CPNE8: variants seen among roughly 807,000 people sequenced by gnomAD.
CPNE8 encodes the protein copine-8.
CPNE8 carries 45 observed loss-of-function variants against 81.5 expected under a neutral mutation model. That is an observed-to-expected ratio of 0.55 (90% confidence interval 0.44 to 0.71). CPNE8 has a LOEUF of 0.71. Among genes scored for constraint, CPNE8 ranks in the 30% least tolerant of loss-of-function variants. The pLI is 0.00. For missense variants in CPNE8, 594 were observed against 672.1 expected (o/e 0.88, Z 1.28); for synonymous variants, 252 against 226.3 (o/e 1.11, Z -1.02).
chr12:38,838,103 C>G (rs949681553), intron 5 of CPNE8, among the ~76,000 whole-genome samples: 3 of 152,132 alleles, frequency 2.0e-5, no homozygotes, highest in African/African-American at 7.2e-5. Flanking sequence ...ATGTTCCCAA[C>G]TTCACTTAAA....
intron 19 of CPNE8, among the ~76,000 whole-genome samples, chr12:38,659,686 C>A (rs1466506800): frequency 6.6e-6 from 1 of 152,110 alleles, no homozygotes; most frequent in Non-Finnish European, 1.5e-5. Flanking sequence ...ACAAAAATCA[C>A]AACAAACTCT....
intron 6 of CPNE8, among the ~76,000 whole-genome samples, chr12:38,781,167 T>C (rs1263866933): frequency 1.3e-5 from 2 of 151,990 alleles, no homozygotes; most frequent in Non-Finnish European, 2.9e-5. Flanking sequence ...TACTTTATAG[T>C]TTCAAGTTTA....
At chr12:38,691,131 T>C (rs989770217) in intron 15 of CPNE8, among the ~76,000 whole-genome samples, 1 of 152,216 alleles carries the variant, frequency 6.6e-6, no homozygotes, top group Non-Finnish European at 1.5e-5. Context: ...ATGGTGTTAA[T>C]ATAAGCATGC....
At chr12:38,879,287 G>C (rs950518232) in intron 1 of CPNE8, among the ~76,000 whole-genome samples, 1 of 151,872 alleles carries the variant, frequency 6.6e-6, no homozygotes, top group Non-Finnish European at 1.5e-5. Context: ...GCCCAGTAGG[G>C]ACCCTGGCTT....
chr12:38,856,567 A>C (rs1027232394), intron 3 of CPNE8, among the ~76,000 whole-genome samples: 2 of 152,196 alleles, frequency 1.3e-5, no homozygotes, highest in African/African-American at 4.8e-5. Flanking sequence ...GGTTGCCTAG[A>C]GGGCAGAATC....
chr12:38,696,964 T>C (rs1380705180), intron 14 of CPNE8, among the ~76,000 whole-genome samples: 4 of 152,150 alleles, frequency 2.6e-5, no homozygotes, highest in Non-Finnish European at 5.9e-5. Context: ...GGAGAATCAC[T>C]TGAGCCCTGG....
intron 6 of CPNE8, among the ~76,000 whole-genome samples, chr12:38,785,537 T>G (rs1942164715): frequency 6.6e-6 from 1 of 152,122 alleles, no homozygotes; most frequent in African/African-American, 2.4e-5. Context: ...TCTGATGATT[T>G]TATAAAGGGG....
intron 15 of CPNE8, among the ~76,000 whole-genome samples, chr12:38,692,637 G>A (rs946694566): frequency 1.1e-4 from 16 of 152,138 alleles, no homozygotes; most frequent in African/African-American, 3.6e-4. Context: ...GCAAAGGAGA[G>A]AATTACAGAG....
At chr12:38,733,193 T>C (rs1222675112) in intron 10 of CPNE8, among the ~76,000 whole-genome samples, 2 of 151,942 alleles carry the variant, frequency 1.3e-5, no homozygotes, top group East Asian at 3.8e-4. Flanking sequence ...CTCAGGCCAA[T>C]TTTGTTATAG....
chr12:38,748,135 C>G (rs138552685), intron 10 of CPNE8, among the ~76,000 whole-genome samples: 1 of 151,928 alleles, frequency 6.6e-6, no homozygotes, highest in African/African-American at 2.4e-5. Context: ...CTCAGCCTCC[C>G]GAGTAGCTGG....
intron 17 of CPNE8, among the ~76,000 whole-genome samples, chr12:38,677,100 C>T (rs1939306866): frequency 6.6e-6 from 1 of 152,098 alleles, no homozygotes; most frequent in Non-Finnish European, 1.5e-5. Context: ...CATAGTTCTC[C>T]TCTAACTGGA....
At chr12:38,801,059 T>A (rs1454171264) in intron 6 of CPNE8, among the ~76,000 whole-genome samples, 9 of 146,744 alleles carry the variant, frequency 6.1e-5, no homozygotes, top group African/African-American at 2.3e-4. Flanking sequence ...ATGGGGAGAA[T>A]GGAACCAAGT....
At chr12:38,677,203 T>A in intron 17 of CPNE8, among the ~76,000 whole-genome samples, 1 of 151,830 alleles carries the variant, frequency 6.6e-6, no homozygotes, top group East Asian at 1.9e-4. Context: ...CCTGTGAAAA[T>A]TATGCTATTA....
intron 13 of CPNE8, among the ~76,000 whole-genome samples, chr12:38,704,616 A>C (rs973436229): frequency 3.2e-4 from 49 of 151,772 alleles, no homozygotes; most frequent in African/African-American, 1.0e-3. Context: ...TAGTTGGGCA[A>C]AATAATCTGG....
At chr12:38,658,997 G>T (rs941017905) in intron 19 of CPNE8, among the ~76,000 whole-genome samples, 1 of 151,926 alleles carries the variant, frequency 6.6e-6, no homozygotes, top group Non-Finnish European at 1.5e-5. Flanking sequence ...TCAATTAATG[G>T]GCAAAATAAC....
chr12:38,750,185 T>G (rs1592059785), intron 10 of CPNE8, among the ~76,000 whole-genome samples: 1 of 152,080 alleles, frequency 6.6e-6, no homozygotes, highest in African/African-American at 2.4e-5. Flanking sequence ...GAGCTGCAGG[T>G]GCACAGAAGT....
At chr12:38,796,587 A>G (rs998881087) in intron 6 of CPNE8, among the ~76,000 whole-genome samples, 1 of 152,206 alleles carries the variant, frequency 6.6e-6, no homozygotes, top group Non-Finnish European at 1.5e-5. Flanking sequence ...GAATAGGAAC[A>G]GCTCCGGTCT....
At chr12:38,829,307 C>A in intron 6 of CPNE8, 72 bp downstream of exon 6, 1 of 1,024,488 alleles carries the variant, frequency 9.8e-7, no homozygotes, top group South Asian at 1.3e-5. Flanking sequence ...ACCATGCATT[C>A]ACCAATTCCA....
chr12:38,675,461 C>T (rs141633945), intron 18 of CPNE8, among the ~76,000 whole-genome samples: 179 of 152,194 alleles, frequency 1.2e-3, no homozygotes, highest in African/African-American at 4.0e-3. Context: ...AAATAGAAAG[C>T]TACATGTTGA....
Sources: gnomAD v4.1 joint callset for allele counts (sites outside exome capture counted in the v4.1 genomes callset) on GRCh38, gnomAD v4.1.1 for gene constraint, MANE v1.5 for transcripts, NCBI Gene and HGNC (gene_info 2026-07-23, HGNC 2026-07-21) for gene names.